Variants in ZFYVE1 observed in about 807,000 individuals in gnomAD.
The protein encoded by ZFYVE1 is zinc finger FYVE domain-containing protein 1.
ZFYVE1 carries 30 observed loss-of-function variants against 74.4 expected under a neutral mutation model. That is an observed-to-expected ratio of 0.40 (90% CI 0.30 to 0.55). ZFYVE1 has a LOEUF of 0.55. ZFYVE1 is among the 20% of genes least tolerant of loss of function. The pLI is 0.42. For missense variants in ZFYVE1, 703 were observed against 1,011.6 expected, an observed-to-expected ratio of 0.69 and a Z score of 4.14; for synonymous variants, 335 against 385.1, an observed-to-expected ratio of 0.87 and a Z score of 1.52.
At chr14:73,017,293 CCTT>C (rs1894222008) in intron 2 of ZFYVE1, among the ~76,000 whole-genome samples, 1 of 152,126 alleles carries the variant, frequency 6.6e-6, no homozygotes, top group Non-Finnish European at 1.5e-5. Flanking sequence ...CCAGATAACT[CCTT>C]CTGTCGGGGC....
Position 72,974,112 on chromosome 14 carries a change from C to T in ZFYVE1, c.2069G>A (p.Gly690Glu). Residue 690 changes from glycine (G) to glutamate (E), a missense_variant, in exon 11 of 12, where the codon GGA becomes GAA. Gly to Glu is a moderately conservative substitution (Grantham distance 98). Coordinates refer to ENST00000556143, the MANE Select transcript of ZFYVE1 (RefSeq NM_021260.4). ...KVGEAVQNTLGAVVTAIDIPL... is the reference protein window; with the variant it reads ...KVGEAVQNTLEAVVTAIDIPL... The stretch of plus-strand genomic sequence containing the variant: ...TATGTCAATGGCTGTCACCACGGCT[C>T]CCAGAGTGTTCTGCACGGCCTCGCC... 1 of 1,614,144 alleles carries T rather than the reference C, an allele frequency of 6.2e-7. No homozygotes were observed. Among genetic ancestry groups the T allele is most frequent in the South Asian group, 1.1e-5 (1 of 91,076 alleles).
At chr14:73,021,481 T>C (rs1894318152) in intron 2 of ZFYVE1, among the ~76,000 whole-genome samples, 1 of 152,260 alleles carries the variant, frequency 6.6e-6, no homozygotes, top group Non-Finnish European at 1.5e-5. Flanking sequence ...CCATGAAACA[T>C]GGTCCTGCTC....
At position 72,998,080 on chromosome 14, in the gene ZFYVE1, AG is replaced by A. The variant is rs1173098588; in HGVS notation, c.718del (p.Leu240TrpfsTer5). The A allele has an allele frequency of 6.2e-7, 1 of 1,614,004 alleles. No individual in the cohort carries two copies. The highest frequency in any genetic ancestry group is 1.3e-5 in the African/African-American group (1 of 74,926). Reference sequence around the variant, plus strand: ...CTGGCTTAGATTCACGGTGGCCCCCAGGAGCCCTTCCGTATCGATCACTGCT... The same window carrying A: ...CTGGCTTAGATTCACGGTGGCCCCCAGAGCCCTTCCGTATCGATCACTGCT... ...KVAVIDTEGL[L>X]GATVNLSQRT... On this transcript the variant is annotated frameshift_variant, in exon 3 of 12. Transcript: ENST00000556143. LOFTEE classifies it high-confidence loss of function.
chr14:72,997,733 A>C, intron 3 of ZFYVE1, 78 bp downstream of exon 3: 1 of 1,492,216 alleles, frequency 6.7e-7, no homozygotes, highest in Middle Eastern at 1.8e-4. Context: ...CACTACCAAC[A>C]AGTTGCTATT....
chr14:72,978,566 C>CAAAAAAAAAAAAA (rs58858186), intron 6 of ZFYVE1, among the ~76,000 whole-genome samples: 13 of 50,976 alleles, frequency 2.6e-4, no homozygotes, highest in Non-Finnish European at 3.2e-4. Flanking sequence ...GACTCTGTCT[C>CAAAAAAAAAAAAA]AAAAAAAAAA....
At chr14:72,979,293 A>T in intron 5 of ZFYVE1, 1 of 248,762 alleles carries the variant, frequency 4.0e-6, no homozygotes. Context: ...TCAGGTCAGA[A>T]GTTCAAGACC....
At chr14:72,992,339 AAGG>A in intron 4 of ZFYVE1, among the ~76,000 whole-genome samples, 1 of 152,182 alleles carries the variant, frequency 6.6e-6, no homozygotes, top group South Asian at 2.1e-4. Flanking sequence ...TGGTTATGAG[AAGG>A]AGCTCTAGCG....
intron 4 of ZFYVE1, among the ~76,000 whole-genome samples, chr14:72,983,959 G>A (rs185578012): frequency 7.4e-4 from 113 of 152,260 alleles, no homozygotes; most frequent in African/African-American, 2.6e-3. Context: ...TTAACACCAG[G>A]AGTTGCAAAC....
At chr14:72,972,516 G>A (rs1388446242) in intron 11 of ZFYVE1, among the ~76,000 whole-genome samples, 1 of 152,168 alleles carries the variant, frequency 6.6e-6, no homozygotes, top group Non-Finnish European at 1.5e-5. Context: ...GAGCTGCAAT[G>A]AGGAAATCTG....
chr14:72,983,490 T>C (rs1893396385), intron 4 of ZFYVE1, among the ~76,000 whole-genome samples: 1 of 151,932 alleles, frequency 6.6e-6, no homozygotes, highest in South Asian at 2.1e-4. Context: ...CTGAGAATGA[T>C]GGTTTCCAGC....
intron 4 of ZFYVE1, among the ~76,000 whole-genome samples, chr14:72,992,607 A>G (rs1157924874): frequency 8.0e-6 from 1 of 124,962 alleles, no homozygotes; most frequent in Non-Finnish European, 1.7e-5. Context: ...GGGAGGTCCC[A>G]TTCAGGTGCC....
rs1567365742 is a variant in ZFYVE1, at chr14:73,021,354, A to AAAT, written c.483+2671_483+2672insATT. ...CAGAGTGAGACTCTGTCTCAAAATA[A>AAAT]AAATAAATAAATAAATAAATAAATA... On this transcript the variant is annotated intron_variant, in intron 2 of 11. Coordinates refer to ENST00000556143, the MANE Select transcript of ZFYVE1 (RefSeq NM_021260.4). 3.2e-3 allele frequency among the ~76,000 whole-genome samples: 469 copies of AAAT among 147,630 alleles called. 8 individuals carry two copies. Among genetic ancestry groups the AAAT allele is most frequent in the African/African-American group, 0.011 (440 of 40,058 alleles).
intron 2 of ZFYVE1, among the ~76,000 whole-genome samples, chr14:73,019,225 T>G (rs1166009352): frequency 6.6e-6 from 1 of 152,160 alleles, no homozygotes; most frequent in Non-Finnish European, 1.5e-5. Flanking sequence ...CTTAGGAGAC[T>G]CTAGGCCATA....
At chr14:72,988,498 C>G (rs1052490756) in intron 4 of ZFYVE1, among the ~76,000 whole-genome samples, 3 of 150,306 alleles carry the variant, frequency 2.0e-5, no homozygotes, top group Non-Finnish European at 4.4e-5. Flanking sequence ...TTTAAATATA[C>G]TAATGGCATT....
chr14:72,985,003 T>C (rs1357363305), intron 4 of ZFYVE1, among the ~76,000 whole-genome samples: 1 of 152,182 alleles, frequency 6.6e-6, no homozygotes, highest in African/African-American at 2.4e-5. Context: ...CCTCCTCTCC[T>C]GGCCCTGCCC....
intron 5 of ZFYVE1, among the ~76,000 whole-genome samples, chr14:72,981,390 G>T (rs1893327405): frequency 6.6e-6 from 1 of 152,126 alleles, no homozygotes; most frequent in African/African-American, 2.4e-5. Flanking sequence ...TTTGCACAGG[G>T]GGGGCACTCA....
At chr14:73,018,787 C>T (rs1894253585) in intron 2 of ZFYVE1, among the ~76,000 whole-genome samples, 1 of 151,906 alleles carries the variant, frequency 6.6e-6, no homozygotes, top group Admixed American at 6.6e-5. Flanking sequence ...ACTAAAAATA[C>T]AAAAAAACTA....
Position 72,986,721 on chromosome 14 carries a change from G to C in ZFYVE1, c.1204-4826C>G, listed in dbSNP as rs1240508197. Among the ~76,000 whole-genome samples the C allele has an allele frequency of 3.9e-5, 6 of 151,998 alleles. No individual in the cohort carries two copies. In the East Asian group the frequency reaches 9.7e-4, roughly 25 times the overall value. On this transcript the variant is annotated intron_variant, in intron 4 of 11. Coordinates refer to ENST00000556143, the MANE Select transcript of ZFYVE1 (RefSeq NM_021260.4). ...TTTTTTGTATTTTTAATAGAGACAG[G>C]GTTTCACCATGTTGGCCAGGCTGGT...
At chr14:73,023,092 T>C (rs752561986) in intron 2 of ZFYVE1, among the ~76,000 whole-genome samples, 1 of 147,850 alleles carries the variant, frequency 6.8e-6, no homozygotes, top group Non-Finnish European at 1.5e-5. Context: ...ATCCAGGAAG[T>C]AGAGGTTGCA....
Sources: gnomAD v4.1 joint callset for allele counts (sites outside exome capture counted in the v4.1 genomes callset) on GRCh38, gnomAD v4.1.1 for gene constraint, MANE v1.5 for transcripts, NCBI Gene and HGNC (gene_info 2026-07-23, HGNC 2026-07-21) for gene names.